Variants in LOXHD1 observed in about 807,000 individuals in gnomAD.
LOXHD1 encodes lipoxygenase homology domain-containing protein 1.
In LOXHD1, 205 loss-of-function variants were observed where a neutral mutation model predicts 248.2. The observed-to-expected ratio is 0.83, with a 90% CI of 0.74 to 0.93. The LOEUF (loss-of-function observed/expected upper bound fraction) is 0.93. Among genes scored for constraint, LOXHD1 ranks in the 40% least tolerant of loss-of-function variants. The pLI, the probability that LOXHD1 is intolerant of heterozygous loss-of-function variation, is 0.00. For missense variants in LOXHD1, 2,930 were observed against 2,971.6 expected, an observed-to-expected ratio of 0.99 and a Z score of 0.33; for synonymous variants, 1,113 against 1,162.8, an observed-to-expected ratio of 0.96 and a Z score of 0.87.
intron 1 of LOXHD1, among the ~76,000 whole-genome samples, chr18:46,651,432 C>T (rs2039109956): frequency 6.6e-6 from 1 of 152,144 alleles, no homozygotes; most frequent in South Asian, 2.1e-4. Context: ...GTTGCCCACA[C>T]AGCTTGCACA....
chr18:46,574,563 G>A (rs942933533), intron 14 of LOXHD1, among the ~76,000 whole-genome samples: 1 of 150,376 alleles, frequency 6.6e-6, no homozygotes, highest in East Asian at 2.0e-4. Flanking sequence ...TGGGTCCTGA[G>A]TTGGCAAATG....
rs530705624 is a variant in LOXHD1 at position 46,547,580 on chromosome 18, A to C, written c.3351-522T>G. On this transcript the variant is annotated intron_variant, in intron 21 of 40. Transcript: ENST00000642948. ...GGGCCATCTAGGAAAGGGAGGTCCA[A>C]GTCAGACCCCTCAGCATGGAGGTAA... 8.5e-5 allele frequency among the ~76,000 whole-genome samples: 13 copies of C among 152,276 alleles called. 2 individuals carry two copies. The South Asian group carries it at 2.7e-3, about 32-fold the overall frequency.
At chr18:46,496,769 G>A (rs375380739) in intron 37 of LOXHD1, among the ~76,000 whole-genome samples, 3 of 152,274 alleles carry the variant, frequency 2.0e-5, no homozygotes, top group Admixed American at 6.5e-5. Context: ...TTGGGAGGCC[G>A]AGGCAGGTGG....
intron 4 of LOXHD1, among the ~76,000 whole-genome samples, chr18:46,625,216 C>A (rs2038724011): frequency 6.6e-6 from 1 of 152,192 alleles, no homozygotes; most frequent in South Asian, 2.1e-4. Flanking sequence ...ACCTGCCAAA[C>A]CCACACGGCC....
intron 40 of LOXHD1, among the ~76,000 whole-genome samples, chr18:46,478,234 AT>A (rs970732691): frequency 1.6e-4 from 23 of 148,284 alleles, no homozygotes; most frequent in African/African-American, 4.9e-4. Context: ...TGTTGACTTT[AT>A]TTTTTTTTTC....
intron 39 of LOXHD1, 26 bp from the exon 40 acceptor site, chr18:46,483,771 T>C (rs1294483017): frequency 6.5e-7 from 1 of 1,546,570 alleles, no homozygotes; most frequent in Non-Finnish European, 8.7e-7. Flanking sequence ...GTGTGGTCCA[T>C]GAGCTGCCTT....
chr18:46,625,200 G>T (rs1015540894), intron 4 of LOXHD1, among the ~76,000 whole-genome samples: 2 of 152,130 alleles, frequency 1.3e-5, no homozygotes, highest in African/African-American at 4.8e-5. Flanking sequence ...TCTCTCAAAA[G>T]TTCCCACCTG....
chr18:46,560,276 C>T lies in LOXHD1; in HGVS notation c.2868G>A (p.Glu956=), dbSNP rs2144012949. The part of the protein sequence containing the change: ...SDEEDEGEEE[E]SSSSEESSSE... ...ACGAGGACTCCTCTGATGAGGACGA[C>T]TCCTCTTCCTCCCCCTCGTCCTCTT... The change falls in exon 19 of 41, where the codon GAG becomes GAA. Residue 956 remains glutamate (E), a synonymous_variant. Coordinates refer to ENST00000642948, the MANE Select transcript of LOXHD1 (RefSeq NM_001384474.1). 8 of 1,551,278 alleles carry T rather than the reference C, an allele frequency of 5.2e-6. No homozygotes were observed. The highest frequency in any genetic ancestry group is 7.0e-6 in the Non-Finnish European group (8 of 1,146,376).
intron 36 of LOXHD1, among the ~76,000 whole-genome samples, chr18:46,506,305 A>C (rs1357718917): frequency 2.0e-5 from 3 of 152,202 alleles, no homozygotes; most frequent in Non-Finnish European, 2.9e-5. Flanking sequence ...ATTTCTGGGG[A>C]AATATACCCA....
chr18:46,622,593 C>T (rs167873), intron 4 of LOXHD1, among the ~76,000 whole-genome samples: 46,731 of 152,026 alleles, frequency 0.31, 8,573 homozygotes, highest in East Asian at 0.45. Context: ...CTGCCTGGAC[C>T]AGGGTGGTCA....
chr18:46,545,513 C>A (rs1269945357), intron 22 of LOXHD1, 92 bp from the exon 23 acceptor site: 1 of 889,314 alleles, frequency 1.1e-6, no homozygotes, highest in African/African-American at 1.7e-5. Context: ...GAAGGGCTTC[C>A]TTGATTCACT....
At chr18:46,553,999 C>G (rs1433161893) in intron 21 of LOXHD1, among the ~76,000 whole-genome samples, 1 of 152,162 alleles carries the variant, frequency 6.6e-6, no homozygotes, top group Admixed American at 6.5e-5. Context: ...TAGAGCAGAC[C>G]TGCGGGCTGA....
intron 13 of LOXHD1, among the ~76,000 whole-genome samples, chr18:46,578,819 G>T (rs1228700891): frequency 6.6e-6 from 1 of 152,212 alleles, no homozygotes; most frequent in Admixed American, 6.5e-5. Flanking sequence ...TACATCCACT[G>T]CCCCTAATGC....
intron 17 of LOXHD1, 102 bp from the exon 18 acceptor site, chr18:46,563,327 C>A: frequency 1.7e-6 from 2 of 1,177,790 alleles, no homozygotes; most frequent in Non-Finnish European, 2.3e-6. Context: ...AGGTGCCTGG[C>A]GCTTTACAGT....
intron 39 of LOXHD1, 110 bp from the exon 40 acceptor site, chr18:46,483,855 G>A: frequency 7.6e-7 from 1 of 1,314,426 alleles, no homozygotes; most frequent in Non-Finnish European, 1.0e-6. Context: ...ACAGGGATGG[G>A]ATGGCAAGCA....
chr18:46,583,489 C>T (rs932366513), intron 12 of LOXHD1, among the ~76,000 whole-genome samples: 12 of 151,746 alleles, frequency 7.9e-5, no homozygotes, highest in African/African-American at 2.7e-4. Context: ...CAAAAACAAA[C>T]AAGCAAACTA....
intron 25 of LOXHD1, among the ~76,000 whole-genome samples, chr18:46,539,085 C>T (rs1380381025): frequency 4.6e-5 from 7 of 152,188 alleles, no homozygotes; most frequent in African/African-American, 1.4e-4. Flanking sequence ...GGGCAGCCAC[C>T]GGTGTGAACA....
At chr18:46,605,672 A>T (rs2038402792) in intron 6 of LOXHD1, among the ~76,000 whole-genome samples, 2 of 152,218 alleles carry the variant, frequency 1.3e-5, no homozygotes, top group Non-Finnish European at 2.9e-5. Flanking sequence ...ACCATCCAGG[A>T]TCTGAGAACT....
intron 14 of LOXHD1, among the ~76,000 whole-genome samples, chr18:46,573,736 C>T (rs1292961717): frequency 6.6e-6 from 1 of 152,200 alleles, no homozygotes; most frequent in Non-Finnish European, 1.5e-5. Context: ...TCTCTTACAT[C>T]CTCCTTCCCA....
Sources: gnomAD v4.1 joint callset for allele counts (sites outside exome capture counted in the v4.1 genomes callset) on GRCh38, gnomAD v4.1.1 for gene constraint, MANE v1.5 for transcripts, NCBI Gene and HGNC (gene_info 2026-07-23, HGNC 2026-07-21) for gene names.